The following RSPO2 variants were observed in gnomAD, a reference collection of about 807,000 sequenced individuals.
RSPO2 encodes the protein R-spondin 2.
Under a neutral mutation model 30.9 loss-of-function variants are expected in RSPO2, and 14 were observed. The observed-to-expected ratio is 0.45, with a 90% CI of 0.30 to 0.71. The LOEUF (loss-of-function observed/expected upper bound fraction) is 0.71. RSPO2 is among the 30% of genes least tolerant of loss of function. The pLI is 0.08. For missense variants in RSPO2, 264 were observed against 301.9 expected (o/e 0.87, Z 0.93); for synonymous variants, 107 against 96.4 (o/e 1.11, Z -0.64).
chr8:107,973,757 G>T (rs79141886), intron 3 of RSPO2, among the ~76,000 whole-genome samples: 2 of 152,016 alleles, frequency 1.3e-5, no homozygotes, highest in African/African-American at 4.8e-5. Flanking sequence ...ATAACTACTT[G>T]CCTTACTGCC....
intron 5 of RSPO2, among the ~76,000 whole-genome samples, chr8:107,939,009 A>G (rs1213369759): frequency 6.6e-6 from 1 of 152,194 alleles, no homozygotes; most frequent in Non-Finnish European, 1.5e-5. Flanking sequence ...ATACATTTTG[A>G]ACATCCCTCC....
intron 2 of RSPO2, among the ~76,000 whole-genome samples, chr8:108,045,376 C>T (rs1348093454): frequency 6.6e-6 from 1 of 152,138 alleles, no homozygotes; most frequent in East Asian, 1.9e-4. Flanking sequence ...GAGATACCAT[C>T]TCACATCAGT....
At chr8:108,058,479 C>A (rs887298587) in intron 2 of RSPO2, among the ~76,000 whole-genome samples, 1 of 152,222 alleles carries the variant, frequency 6.6e-6, no homozygotes, top group South Asian at 2.1e-4. Flanking sequence ...ACTTTCTTCA[C>A]AGAATTGGAA....
intron 5 of RSPO2, among the ~76,000 whole-genome samples, chr8:107,908,818 A>G (rs1166717482): frequency 6.6e-6 from 1 of 152,232 alleles, no homozygotes; most frequent in East Asian, 1.9e-4. Flanking sequence ...ACTGATTTAG[A>G]GAAAAAGCAT....
intron 5 of RSPO2, among the ~76,000 whole-genome samples, chr8:107,939,531 C>T (rs1006726651): frequency 2.1e-5 from 3 of 142,950 alleles, no homozygotes; most frequent in African/African-American, 8.0e-5. Context: ...GTGCTTTTGA[C>T]TCTGGTTCTG....
At chr8:108,068,082 A>C (rs12675326) in intron 2 of RSPO2, among the ~76,000 whole-genome samples, 3,173 of 152,264 alleles carry the variant, frequency 0.021, 134 homozygotes, top group East Asian at 0.13. Flanking sequence ...AACAAACAAA[A>C]AAAAAACAGC....
chr8:107,953,573 G>T (rs1813322761), intron 5 of RSPO2, among the ~76,000 whole-genome samples: 1 of 152,164 alleles, frequency 6.6e-6, no homozygotes, highest in Non-Finnish European at 1.5e-5. Context: ...TAAAAGTTGG[G>T]AAGTTTAATG....
At chr8:107,911,000 A>G (rs1811804308) in intron 5 of RSPO2, among the ~76,000 whole-genome samples, 1 of 152,214 alleles carries the variant, frequency 6.6e-6, no homozygotes, top group Non-Finnish European at 1.5e-5. Flanking sequence ...ATGTCAACTG[A>G]GAGTTGGAGC....
chr8:108,044,676 T>C (rs1400849585), intron 2 of RSPO2, among the ~76,000 whole-genome samples: 3 of 152,172 alleles, frequency 2.0e-5, no homozygotes, highest in Non-Finnish European at 2.9e-5. Context: ...TGAACATACA[T>C]GTGCATGTGT....
At chr8:108,003,975 C>T (rs1815368131) in intron 2 of RSPO2, among the ~76,000 whole-genome samples, 1 of 152,134 alleles carries the variant, frequency 6.6e-6, no homozygotes, top group Admixed American at 6.5e-5. Context: ...TCAAATTAGG[C>T]CATACCCTCA....
rs1172635007 is a variant in RSPO2 at position 108,058,695 on chromosome 8, A to G, written c.94+23850T>C. Among the ~76,000 whole-genome samples, 15 of 151,882 alleles carry G rather than the reference A, an allele frequency of 9.9e-5. 1 individual carries two copies. Among genetic ancestry groups the G allele is most frequent in the African/African-American group, 2.2e-4 (9 of 41,152 alleles). Reference sequence around the variant, plus strand: ...ACAGAGCCCTCAGAAATAATGCCACATATTTACAACTATCTGATCTTTCAC... The same window carrying G: ...ACAGAGCCCTCAGAAATAATGCCACGTATTTACAACTATCTGATCTTTCAC... On this transcript the variant is annotated intron_variant, in intron 2 of 5. Transcript: ENST00000276659.
chr8:108,082,504 C>T (rs1813237491), intron 2 of RSPO2, 41 bp downstream of exon 2: 2 of 1,520,006 alleles, frequency 1.3e-6, no homozygotes, highest in African/African-American at 1.4e-5. Context: ...CACACGCCAC[C>T]CCTGAAGCCC....
At chr8:108,059,821 G>C (rs996431957) in intron 2 of RSPO2, among the ~76,000 whole-genome samples, 2 of 136,152 alleles carry the variant, frequency 1.5e-5, no homozygotes, top group Non-Finnish European at 3.1e-5. Context: ...ATGGACACAG[G>C]AAGGGGAACA....
Position 107,974,516 on chromosome 8 carries a change from C to T in RSPO2, c.284-13699G>A, listed in dbSNP as rs558213900. Among the ~76,000 whole-genome samples the T allele has an allele frequency of 5.3e-5, 8 of 151,788 alleles. No homozygotes were observed. The East Asian group carries it at 1.2e-3, about 22-fold the overall frequency. On this transcript the variant is annotated intron_variant, in intron 3 of 5. Coordinates refer to ENST00000276659, the MANE Select transcript of RSPO2 (RefSeq NM_178565.5). Reference sequence around the variant, plus strand: ...GCAACAGAGTGAGACCTTGTCTTAACCAAAAGAAAGAAAGAGACAGAGAAA... The same window carrying T: ...GCAACAGAGTGAGACCTTGTCTTAATCAAAAGAAAGAAAGAGACAGAGAAA...
intron 2 of RSPO2, among the ~76,000 whole-genome samples, chr8:108,040,696 G>T (rs1030096847): frequency 5.3e-5 from 8 of 152,106 alleles, no homozygotes; most frequent in Non-Finnish European, 1.0e-4. Context: ...ATGGAGGAAG[G>T]GGGCTGACAA....
chr8:107,901,050 C>T lies in RSPO2; in HGVS notation c.*25G>A, dbSNP rs747704955. ...TGCACATTTGCAAAAACAAAAACCC[C>T]TAAAAATCTACCGGATCTCTTGTTT... On this transcript the variant is annotated 3_prime_UTR_variant, in exon 6 of 6. Transcript: ENST00000276659. 3 of 1,609,622 alleles carry T rather than the reference C, an allele frequency of 1.9e-6. No individual in the cohort carries two copies. The highest frequency in any genetic ancestry group is 4.5e-5 in the East Asian group (2 of 44,862).
At chr8:107,906,646 T>C (rs868724913) in intron 5 of RSPO2, among the ~76,000 whole-genome samples, 5 of 151,950 alleles carry the variant, frequency 3.3e-5, no homozygotes, top group Non-Finnish European at 5.9e-5. Context: ...TTGTTAGTTC[T>C]TGAAGCTTTT....
chr8:108,008,894 AT>A (rs1212113817), intron 2 of RSPO2, among the ~76,000 whole-genome samples: 3 of 151,860 alleles, frequency 2.0e-5, no homozygotes, highest in Non-Finnish European at 2.9e-5. Context: ...ATAATGGTAA[AT>A]TTTTTTTGTA....
intron 2 of RSPO2, among the ~76,000 whole-genome samples, chr8:108,070,335 G>A (rs1289635291): frequency 7.2e-6 from 1 of 138,746 alleles, no homozygotes; most frequent in Admixed American, 7.9e-5. Flanking sequence ...GCCCAGGCCG[G>A]ACTGCGGACT....
Sources: allele counts gnomAD v4.1 joint callset (sites outside exome capture counted in the v4.1 genomes callset), GRCh38; gene constraint gnomAD v4.1.1; transcripts MANE v1.5; gene names NCBI Gene and HGNC (gene_info 2026-07-23, HGNC 2026-07-21).